Variants in RPTOR observed in about 807,000 individuals in gnomAD.
RPTOR encodes regulatory-associated protein of mTOR.
RPTOR carries 21 observed loss-of-function variants against 169.9 expected under a neutral mutation model. The ratio of observed to expected loss-of-function variants is 0.12; its 90% CI spans 0.09 to 0.18. RPTOR has a LOEUF of 0.18. RPTOR is among the 10% of genes least tolerant of loss of function. The pLI, the probability that RPTOR is intolerant of heterozygous loss-of-function variation, is 1.00. For missense variants in RPTOR, 1,133 were observed against 1,855.9 expected, an observed-to-expected ratio of 0.61 and a Z score of 7.16; for synonymous variants, 732 against 753.2, an observed-to-expected ratio of 0.97 and a Z score of 0.46.
At chr17:80,616,501 A>C (rs1459522770) in intron 1 of RPTOR, among the ~76,000 whole-genome samples, 1 of 152,012 alleles carries the variant, frequency 6.6e-6, no homozygotes, top group Non-Finnish European at 1.5e-5. Context: ...GTTTCACCAT[A>C]TTCGCCAGGC....
rs2069202425 is a variant in RPTOR, at chr17:80,953,016, C to T, written c.3370+3469C>T. The stretch of plus-strand genomic sequence containing the variant: ...AGTAGCTGGGACTAGAGGGTCGCAC[C>T]ACCACGCCTGGCTAATTTTTGTATT... On this transcript the variant is annotated intron_variant, in intron 28 of 33. Coordinates refer to ENST00000306801, the MANE Select transcript of RPTOR (RefSeq NM_020761.3). 3.9e-5 allele frequency among the ~76,000 whole-genome samples: 6 copies of T among 151,946 alleles called. No homozygotes were observed. In the South Asian group the frequency reaches 1.2e-3, roughly 32 times the overall value.
At chr17:80,846,677 G>T in intron 11 of RPTOR, 103 bp downstream of exon 11, 1 of 924,854 alleles carries the variant, frequency 1.1e-6, no homozygotes, top group South Asian at 1.5e-5. Context: ...AGCCCTGTGG[G>T]TCTGTGACAT....
In RPTOR at chr17:80,726,557, G is replaced by T. The variant is rs572127336; in HGVS notation, c.508-4003G>T. Among the ~76,000 whole-genome samples, 6 of 152,312 alleles carry T rather than the reference G, an allele frequency of 3.9e-5. No homozygotes were observed. The highest frequency in any genetic ancestry group is 2.6e-4 in the Admixed American group (4 of 15,302). On this transcript the variant is annotated intron_variant, in intron 4 of 33. Transcript: ENST00000306801. The surrounding 1 kb of genome is among the most constrained non-coding windows in gnomAD (Gnocchi z 4.5). ...AAAAAGCAAGACCTGAGAACATGGT[G>T]TGTTAAAATATCTTTCATTTCATGC...
At chr17:80,899,203 G>A (rs1184055930) in intron 20 of RPTOR, among the ~76,000 whole-genome samples, 1 of 152,184 alleles carries the variant, frequency 6.6e-6, no homozygotes, top group Non-Finnish European at 1.5e-5. Flanking sequence ...CCGTATATTC[G>A]AGTATAAATC....
rs149016810 is a variant in RPTOR at position 80,945,749 on chromosome 17, G to A, written c.3108G>A (p.Pro1036=). 368 of 1,610,738 alleles carry A rather than the reference G, an allele frequency of 2.3e-4. No individual in the cohort carries two copies. The highest frequency in any genetic ancestry group is 1.6e-3 in the African/African-American group (118 of 74,418). Residue 1036 remains proline (P), a synonymous_variant, in exon 26 of 34, where the codon CCG becomes CCA. Transcript: ENST00000306801. The part of the protein sequence containing the change: ...PSVVKFHPFT[P]CIAVADKDSI... ...TGGTGAAATTCCACCCCTTCACGCCGTGCATCGCCGTAGCCGACAAGGACA... is the reference window on the plus strand; with the variant it reads ...TGGTGAAATTCCACCCCTTCACGCCATGCATCGCCGTAGCCGACAAGGACA...
At position 80,883,957 on chromosome 17, in the gene RPTOR, C is replaced by T. The variant is rs750968824; in HGVS notation, c.1827C>T (p.Ser609=). Reference sequence around the variant, plus strand: ...ATGAGAAGCTCTACAGCCTCCTCTCCGACCCCATTCCCGAGGTGAGTCAGG... The same window carrying T: ...ATGAGAAGCTCTACAGCCTCCTCTCTGACCCCATTCCCGAGGTGAGTCAGG... ...SAHEKLYSLL[S]DPIPEVRCAA... is the part of the protein sequence containing the mutation. The change falls in exon 16 of 34, where the codon TCC becomes TCT. Residue 609 remains serine (S), a synonymous_variant. Transcript: ENST00000306801. 6.8e-6 allele frequency: 11 copies of T among 1,610,548 alleles called. No homozygotes were observed. The highest frequency in any genetic ancestry group is 1.6e-4 in the Middle Eastern group (1 of 6,076).
At chr17:80,683,226 C>T (rs2065911687) in intron 3 of RPTOR, among the ~76,000 whole-genome samples, 1 of 152,204 alleles carries the variant, frequency 6.6e-6, no homozygotes, top group Non-Finnish European at 1.5e-5. Context: ...GCTTTGCTTT[C>T]TCAGTCTGGC....
rs535410092 is a variant in RPTOR at position 80,585,966 on chromosome 17, A to C, written c.163-39725A>C. Among the ~76,000 whole-genome samples the C allele has an allele frequency of 5.9e-5, 9 of 151,632 alleles. No individual in the cohort carries two copies. The East Asian group carries it at 1.6e-3, about 26-fold the overall frequency. ...AGAATTCCTCAATACAACGCATTAA[A>C]TATTGTTCCGAGGTCTTCTGAGCCC... On this transcript the variant is annotated intron_variant, in intron 1 of 33. Coordinates refer to ENST00000306801, the MANE Select transcript of RPTOR (RefSeq NM_020761.3).
chr17:80,918,375 G>T (rs564083214), intron 21 of RPTOR, among the ~76,000 whole-genome samples: 1 of 152,088 alleles, frequency 6.6e-6, no homozygotes, highest in Admixed American at 6.5e-5. Context: ...AGACAGTACT[G>T]TGCAGCTGCA....
At position 80,837,996 on chromosome 17, in the gene RPTOR, G is replaced by A. The variant is rs768865288; in HGVS notation, c.1211G>A (p.Arg404Gln). The A allele has an allele frequency of 1.6e-5, 26 of 1,607,532 alleles. No homozygotes were observed. Among genetic ancestry groups the A allele is most frequent in the Admixed American group, 3.4e-5 (2 of 59,528 alleles). The change falls in exon 10 of 34, where the codon CGG (arginine) becomes CAG (glutamine). Residue 404 changes from arginine (R) to glutamine (Q), a missense_variant and splice_region_variant. Around this residue, in one of 9 missense-constraint regions of RPTOR, gnomAD observed 289 missense variants for 585.8 expected, o/e 0.49. Coordinates refer to ENST00000306801, the MANE Select transcript of RPTOR (RefSeq NM_020761.3). ...PTIIEEGTAF[R>Q]HSPFFAEQLT... ...ATCATCGAGGAAGGCACTGCGTTTC[G>A]GGTGAGTCCCTCCAAGGGCACCCTG...
chr17:80,728,446 G>GGTGTGTGTGTGTGTGTGT (rs71367012), intron 4 of RPTOR, among the ~76,000 whole-genome samples: 9,279 of 148,132 alleles, frequency 0.063, 350 homozygotes, highest in Non-Finnish European at 0.085. Context: ...TCCACTCTGG[G>GGTGTGTGTGTGTGTGTGT]GTGTGTGTGT....
At chr17:80,634,165 T>TGC (rs553543774) in intron 2 of RPTOR, among the ~76,000 whole-genome samples, 36 of 145,604 alleles carry the variant, frequency 2.5e-4, no homozygotes, top group African/African-American at 8.5e-4. Context: ...TGTGTGTGTG[T>TGC]GCATACTGTG....
chr17:80,769,368 G>A (rs943196268), intron 6 of RPTOR, among the ~76,000 whole-genome samples: 4 of 152,254 alleles, frequency 2.6e-5, no homozygotes, highest in Admixed American at 1.3e-4. Flanking sequence ...AGTGCACTCT[G>A]AGACTGGGCA....
intron 1 of RPTOR, among the ~76,000 whole-genome samples, chr17:80,592,856 C>T (rs566574786): frequency 7.9e-5 from 12 of 152,144 alleles, no homozygotes; most frequent in African/African-American, 2.9e-4. Context: ...GACAGGCCTG[C>T]GTTTCCCTGG....
At chr17:80,958,643 G>C (rs570344440) in intron 29 of RPTOR, among the ~76,000 whole-genome samples, 1 of 152,044 alleles carries the variant, frequency 6.6e-6, no homozygotes, top group South Asian at 2.1e-4. Flanking sequence ...TCTATCTCCT[G>C]ACCTCGTGAT....
intron 7 of RPTOR, among the ~76,000 whole-genome samples, chr17:80,807,980 A>G (rs918653411): frequency 2.6e-5 from 4 of 152,130 alleles, no homozygotes; most frequent in Admixed American, 6.5e-5. Flanking sequence ...TGCTTTAGAA[A>G]CTATAACGTG....
intron 2 of RPTOR, among the ~76,000 whole-genome samples, chr17:80,634,706 G>GTGTGTGTGCATAC (rs2065487643): frequency 1.1e-5 from 1 of 89,794 alleles, no homozygotes; most frequent in African/African-American, 6.0e-5. Context: ...TGTGCGTACT[G>GTGTGTGTGCATAC]TGTGTGTGCG....
At chr17:80,787,387 A>C (rs1328474721) in intron 6 of RPTOR, among the ~76,000 whole-genome samples, 1 of 152,142 alleles carries the variant, frequency 6.6e-6, no homozygotes, top group East Asian at 1.9e-4. Flanking sequence ...CTTAATGGAC[A>C]CTTGAGCTTT....
At chr17:80,867,302 T>C (rs1390792188) in intron 13 of RPTOR, among the ~76,000 whole-genome samples, 1 of 151,980 alleles carries the variant, frequency 6.6e-6, no homozygotes, top group Non-Finnish European at 1.5e-5. Flanking sequence ...GAAAACCATA[T>C]TACCATCTCA....
Sources: gnomAD v4.1 joint callset for allele counts (sites outside exome capture counted in the v4.1 genomes callset) on GRCh38, gnomAD v4.1.1 for gene constraint, gnomAD v4.1.1 regional missense constraint, Gnocchi (gnomAD v3.1) non-coding constraint, MANE v1.5 for transcripts, NCBI Gene and HGNC (gene_info 2026-07-23, HGNC 2026-07-21) for gene names.